Variants in ASIC2 observed in about 807,000 individuals in gnomAD.
The protein encoded by ASIC2 is acid-sensing ion channel 2.
ASIC2 carries 25 observed loss-of-function variants against 57.3 expected under a neutral mutation model. That is an observed-to-expected ratio of 0.44 (90% confidence interval 0.32 to 0.61). The LOEUF is 0.61. ASIC2 is among the 20% of genes least tolerant of loss of function. The pLI, the probability that ASIC2 is intolerant of heterozygous loss-of-function variation, is 0.06. For missense variants in ASIC2, 641 were observed against 738.1 expected (o/e 0.87, Z 1.52); for synonymous variants, 319 against 307.5 (o/e 1.04, Z -0.39).
intron 1 of ASIC2, among the ~76,000 whole-genome samples, chr17:34,120,583 G>A (rs1911580818): frequency 6.6e-6 from 1 of 151,674 alleles, no homozygotes; most frequent in East Asian, 1.9e-4. Flanking sequence ...CTTCCCAAAA[G>A]ATATGTTGGA....
intron 1 of ASIC2, among the ~76,000 whole-genome samples, chr17:33,305,531 G>A (rs1222137984): frequency 6.6e-6 from 1 of 152,130 alleles, no homozygotes; most frequent in African/African-American, 2.4e-5. Context: ...AACAAAGAAG[G>A]CAAAACAACT....
chr17:33,703,332 T>C (rs997930664), intron 1 of ASIC2, among the ~76,000 whole-genome samples: 10 of 151,666 alleles, frequency 6.6e-5, no homozygotes, highest in Non-Finnish European at 1.5e-4. Flanking sequence ...TTTTTTTTTT[T>C]GTTGCTGTTG....
At chr17:33,310,277 A>G (rs1906355551) in intron 1 of ASIC2, among the ~76,000 whole-genome samples, 1 of 152,052 alleles carries the variant, frequency 6.6e-6, no homozygotes, top group Admixed American at 6.6e-5. Context: ...CTCTAGGGTC[A>G]TGCCCCAACT....
chr17:33,980,064 C>G (rs966514389), intron 1 of ASIC2, among the ~76,000 whole-genome samples: 2 of 152,036 alleles, frequency 1.3e-5, no homozygotes, highest in African/African-American at 4.8e-5. Flanking sequence ...CAGACAGCAG[C>G]ATCAAGGAAT....
At chr17:34,051,177 T>C (rs1908541547) in intron 1 of ASIC2, among the ~76,000 whole-genome samples, 1 of 152,192 alleles carries the variant, frequency 6.6e-6, no homozygotes. Flanking sequence ...ACATCACAAC[T>C]AATCCCTTTC....
At chr17:33,999,719 TAATA>T (rs1906273413) in intron 1 of ASIC2, among the ~76,000 whole-genome samples, 1 of 152,184 alleles carries the variant, frequency 6.6e-6, no homozygotes, top group Non-Finnish European at 1.5e-5. Flanking sequence ...GTATATCCAT[TAATA>T]AATTGTTGTA....
At chr17:33,194,232 G>T (rs747918088) in intron 1 of ASIC2, among the ~76,000 whole-genome samples, 3 of 152,184 alleles carry the variant, frequency 2.0e-5, no homozygotes, top group African/African-American at 4.8e-5. Context: ...ACGCTAAAAA[G>T]CTCCTTGTTT....
intron 1 of ASIC2, among the ~76,000 whole-genome samples, chr17:33,524,687 C>T (rs1914836709): frequency 1.3e-5 from 2 of 151,938 alleles, no homozygotes; most frequent in Admixed American, 6.6e-5. Context: ...AATGAGGTCC[C>T]CAGTTTGAGT....
intron 1 of ASIC2, among the ~76,000 whole-genome samples, chr17:33,591,116 T>A (rs539108892): frequency 6.6e-6 from 1 of 152,328 alleles, no homozygotes; most frequent in East Asian, 1.9e-4. Context: ...GTGACTGCCA[T>A]CCTCTGCTAA....
chr17:33,289,618 G>T (rs1172430028), intron 1 of ASIC2, among the ~76,000 whole-genome samples: 1 of 152,196 alleles, frequency 6.6e-6, no homozygotes, highest in Non-Finnish European at 1.5e-5. Context: ...TGCAAAGTTG[G>T]ACTTTGAACT....
At chr17:33,627,471 G>A (rs1353384921) in intron 1 of ASIC2, among the ~76,000 whole-genome samples, 1 of 152,176 alleles carries the variant, frequency 6.6e-6, no homozygotes, top group African/African-American at 2.4e-5. Flanking sequence ...TGGCTAGAAG[G>A]GGAACTAAAT....
intron 1 of ASIC2, among the ~76,000 whole-genome samples, chr17:33,547,685 C>A (rs1264266065): frequency 2.0e-5 from 3 of 152,190 alleles, no homozygotes; most frequent in Non-Finnish European, 2.9e-5. Context: ...CTGGCTGGGA[C>A]AACTCATCCC....
chr17:33,249,619 C>T (rs2142130126), intron 1 of ASIC2, among the ~76,000 whole-genome samples: 1 of 152,288 alleles, frequency 6.6e-6, no homozygotes, highest in East Asian at 1.9e-4. Context: ...ATAACATGGC[C>T]TTCACGCCAA....
chr17:33,893,599 C>A (rs1227357391), intron 1 of ASIC2, among the ~76,000 whole-genome samples: 1 of 152,090 alleles, frequency 6.6e-6, no homozygotes, highest in Non-Finnish European at 1.5e-5. Context: ...CAGCTGGGGA[C>A]ACAAATTAGG....
intron 1 of ASIC2, among the ~76,000 whole-genome samples, chr17:33,599,765 T>TGTGCTTGGGATGAA (rs1405334902): frequency 4.6e-5 from 7 of 152,180 alleles, no homozygotes; most frequent in Admixed American, 6.5e-5. Context: ...AGGCCTTCCC[T>TGTGCTTGGGATGAA]GTGCTTGGGA....
intron 1 of ASIC2, among the ~76,000 whole-genome samples, chr17:34,024,123 G>A (rs1034934361): frequency 6.6e-6 from 1 of 152,162 alleles, no homozygotes; most frequent in Non-Finnish European, 1.5e-5. Context: ...AGGGGCTCTT[G>A]AGAACCTGGA....
At chr17:33,312,326 C>T (rs1032856549) in intron 1 of ASIC2, among the ~76,000 whole-genome samples, 1 of 152,202 alleles carries the variant, frequency 6.6e-6, no homozygotes, top group African/African-American at 2.4e-5. Flanking sequence ...CAGGAAGTAT[C>T]ATGGTGTCCA....
At chr17:33,613,814 C>T (rs949843912) in intron 1 of ASIC2, among the ~76,000 whole-genome samples, 4 of 152,184 alleles carry the variant, frequency 2.6e-5, no homozygotes, top group African/African-American at 4.8e-5. Context: ...TACTTAATGC[C>T]TTTAGAGTAG....
intron 1 of ASIC2, among the ~76,000 whole-genome samples, chr17:33,358,499 A>T (rs1208206117): frequency 1.3e-5 from 2 of 152,218 alleles, no homozygotes; most frequent in Non-Finnish European, 2.9e-5. Context: ...TCATTTTTGT[A>T]GTGGACATTT....
Sources: allele counts gnomAD v4.1 joint callset (sites outside exome capture counted in the v4.1 genomes callset), GRCh38; gene constraint gnomAD v4.1.1; transcripts MANE v1.5; gene names NCBI Gene and HGNC (gene_info 2026-07-23, HGNC 2026-07-21).